The following GRIA1 variants were observed in gnomAD, a reference collection of about 807,000 sequenced individuals.
GRIA1 encodes glutamate ionotropic receptor AMPA type subunit 1.
A neutral mutation model predicts 99.2 loss-of-function variants in GRIA1; 31 were observed. That is an observed-to-expected ratio of 0.31 (90% CI 0.23 to 0.42). The LOEUF (loss-of-function observed/expected upper bound fraction) is 0.42. Among genes scored for constraint, GRIA1 ranks in the 10% least tolerant of loss-of-function variants. The pLI is 1.00. For missense variants in GRIA1, 782 were observed against 1,157.5 expected (o/e 0.68, Z 4.71); for synonymous variants, 438 against 432.4 (o/e 1.01, Z -0.16).
At chr5:153,710,203 A>T (rs982868357) in intron 11 of GRIA1, among the ~76,000 whole-genome samples, 11 of 149,568 alleles carry the variant, frequency 7.4e-5, no homozygotes, top group Non-Finnish European at 5.9e-5. Flanking sequence ...CCATGAATTT[A>T]CTTTTAAGCC....
At position 153,766,336 on chromosome 5, in the gene GRIA1, C is replaced by T. The variant is rs572080539; in HGVS notation, c.2022+1704C>T. ...CTGCAACAAAAGTGTGAAGAAGGTG[C>T]CTGTTTCTACTTGTCCATAAAGCCT... is the stretch of plus-strand genomic sequence containing the variant. On this transcript the variant is annotated intron_variant, in intron 12 of 15. Transcript: ENST00000285900. Among the ~76,000 whole-genome samples the T allele has an allele frequency of 1.9e-4, 29 of 152,250 alleles. No individual in the cohort carries two copies. The East Asian group carries it at 5.2e-3, about 27-fold the overall frequency.
chr5:153,744,687 T>C (rs1023567601), intron 11 of GRIA1, among the ~76,000 whole-genome samples: 5 of 151,726 alleles, frequency 3.3e-5, no homozygotes, highest in African/African-American at 1.2e-4. Context: ...TAACAATGAA[T>C]AGGAGGAAAG....
chr5:153,649,985 C>G (rs941229070), intron 3 of GRIA1, among the ~76,000 whole-genome samples: 9 of 152,226 alleles, frequency 5.9e-5, no homozygotes, highest in Non-Finnish European at 1.2e-4. Flanking sequence ...AACATTCTCA[C>G]TTAATCCTCA....
At chr5:153,534,639 A>G (rs919186845) in intron 2 of GRIA1, among the ~76,000 whole-genome samples, 1 of 152,232 alleles carries the variant, frequency 6.6e-6, no homozygotes, top group Non-Finnish European at 1.5e-5. Flanking sequence ...GTTGTGGAGT[A>G]AGTGCTTGAC....
rs1010880580 is a variant in GRIA1 at position 153,812,364 on chromosome 5, C to G, written c.*1139C>G. 6.6e-6 allele frequency: 1 copy of G among 152,154 alleles called. No homozygotes were observed. The highest frequency in any genetic ancestry group is 2.4e-5 in the African/African-American group (1 of 41,426). The allele number at this position is 152,154 out of a possible 1,614,324, so 9.4% of individuals were successfully genotyped here. ...CAAAAGCTCACACAAAATAGAGCTT[C>G]CCATGGTGTGCCCTATCCTAGGTTT... On this transcript the variant is annotated 3_prime_UTR_variant, in exon 16 of 16. Coordinates refer to ENST00000285900, the MANE Select transcript of GRIA1 (RefSeq NM_000827.4).
intron 11 of GRIA1, among the ~76,000 whole-genome samples, chr5:153,737,680 A>G (rs933457653): frequency 2.0e-5 from 3 of 152,266 alleles, no homozygotes; most frequent in African/African-American, 7.2e-5. Flanking sequence ...TCATTTGCAA[A>G]AAGTGTCCGT....
intron 6 of GRIA1, 57 bp downstream of exon 6, chr5:153,674,718 G>A: frequency 6.4e-7 from 1 of 1,552,284 alleles, no homozygotes; most frequent in South Asian, 1.1e-5. Flanking sequence ...GCCTGCCCCA[G>A]ATTTCTGAGC....
intron 3 of GRIA1, 75 bp from the exon 4 acceptor site, chr5:153,650,254 AG>A (rs1457204394): frequency 7.8e-7 from 1 of 1,283,648 alleles, no homozygotes. Flanking sequence ...CAGGGGAGGT[AG>A]GTGCCTGATG....
At chr5:153,492,541 A>C (rs1754024519) in intron 1 of GRIA1, among the ~76,000 whole-genome samples, 1 of 152,092 alleles carries the variant, frequency 6.6e-6, no homozygotes, top group African/African-American at 2.4e-5. Context: ...TTAAAATGGG[A>C]GCACTTGTAC....
At chr5:153,524,870 G>A (rs1264021967) in intron 2 of GRIA1, among the ~76,000 whole-genome samples, 1 of 152,150 alleles carries the variant, frequency 6.6e-6, no homozygotes, top group African/African-American at 2.4e-5. Context: ...AGGAAATATT[G>A]CTACTGAAAG....
chr5:153,613,790 G>C (rs576769595), intron 2 of GRIA1, among the ~76,000 whole-genome samples: 3 of 151,764 alleles, frequency 2.0e-5, no homozygotes, highest in Non-Finnish European at 2.9e-5. Context: ...TACATAATCC[G>C]TTCACTTTAG....
intron 2 of GRIA1, among the ~76,000 whole-genome samples, chr5:153,557,266 A>G (rs1760734688): frequency 6.6e-6 from 1 of 152,034 alleles, no homozygotes; most frequent in Non-Finnish European, 1.5e-5. Context: ...GTCTATTTTT[A>G]TTTCATTTTG....
At chr5:153,608,690 G>A (rs1377640679) in intron 2 of GRIA1, among the ~76,000 whole-genome samples, 1 of 152,168 alleles carries the variant, frequency 6.6e-6, no homozygotes, top group Admixed American at 6.5e-5. Flanking sequence ...ATTTATGTCT[G>A]TAATGTCTGA....
chr5:153,569,369 C>T (rs1193149620), intron 2 of GRIA1, among the ~76,000 whole-genome samples: 1 of 152,196 alleles, frequency 6.6e-6, no homozygotes, highest in East Asian at 1.9e-4. Flanking sequence ...AGTCTCAGAT[C>T]AGCTGGGTGG....
At chr5:153,743,873 C>T (rs6889909) in intron 11 of GRIA1, among the ~76,000 whole-genome samples, 27,527 of 152,136 alleles carry the variant, frequency 0.18, 2,695 homozygotes, top group Middle Eastern at 0.29. Flanking sequence ...CTATGCATAA[C>T]GGGGTGGATA....
rs145573766 is a variant in GRIA1, at chr5:153,792,267, T to G, written c.2271-2354T>G. On this transcript the variant is annotated intron_variant, in intron 13 of 15. Coordinates refer to ENST00000285900, the MANE Select transcript of GRIA1 (RefSeq NM_000827.4). ...ACCTCACCCATTGTGGGAGATGCTC[T>G]GTGAGGACCGTCTACTTTCTCTAAA... Among the ~76,000 whole-genome samples, 33 of 152,346 alleles carry G rather than the reference T, an allele frequency of 2.2e-4. No individual in the cohort carries two copies. The East Asian group carries it at 5.0e-3, about 23-fold the overall frequency.
At chr5:153,731,065 A>C (rs1760977609) in intron 11 of GRIA1, among the ~76,000 whole-genome samples, 1 of 152,058 alleles carries the variant, frequency 6.6e-6, no homozygotes, top group South Asian at 2.1e-4. Context: ...TGTATGCCTC[A>C]AATCTAAGCC....
chr5:153,660,334 TC>T (rs1286601229), intron 5 of GRIA1, among the ~76,000 whole-genome samples: 1 of 152,208 alleles, frequency 6.6e-6, no homozygotes, highest in Admixed American at 6.5e-5. Context: ...TAAATGCATG[TC>T]AATTAAACCT....
rs771436134 is a variant in GRIA1 at position 153,811,057 on chromosome 5, C to T, written c.2553C>T (p.Asn851=). 1.1e-5 allele frequency: 18 copies of T among 1,614,028 alleles called. No individual in the cohort carries two copies. The Admixed American group carries it at 2.2e-4, about 19-fold the overall frequency. Residue 851 remains asparagine (N), a synonymous_variant, in exon 16 of 16, where the codon AAC becomes AAT. Coordinates refer to ENST00000285900, the MANE Select transcript of GRIA1 (RefSeq NM_000827.4). ...GTTTGATCCCACAGCAATCCATCAA[C>T]GAAGCCATACGGACATCGACCCTCC... ...GFCLIPQQSI[N]EAIRTSTLPR...
Sources: allele counts gnomAD v4.1 joint callset (sites outside exome capture counted in the v4.1 genomes callset), GRCh38; gene constraint gnomAD v4.1.1; transcripts MANE v1.5; gene names NCBI Gene and HGNC (gene_info 2026-07-23, HGNC 2026-07-21).